CMIP: variants seen among roughly 807,000 people sequenced by gnomAD.
The protein encoded by CMIP is c-Maf inducing protein.
A neutral mutation model predicts 97.3 loss-of-function variants in CMIP; 13 were observed. That is an observed-to-expected ratio of 0.13 (90% CI 0.09 to 0.21). CMIP has a LOEUF of 0.21. Ranked by LOEUF, CMIP falls within the 10% of genes least tolerant of loss-of-function variation. CMIP has a pLI of 1.00. For synonymous variants in CMIP, 538 were observed against 436.3 expected (o/e 1.23, Z -2.91); for missense variants, 847 against 1,024.9 (o/e 0.83, Z 2.37).
At chr16:81,460,285 T>C (rs1172410440) in intron 1 of CMIP, among the ~76,000 whole-genome samples, 1 of 152,152 alleles carries the variant, frequency 6.6e-6, no homozygotes, top group Admixed American at 6.5e-5. Flanking sequence ...GTGAGTGGGC[T>C]ATTTATTCCC....
chr16:81,589,164 T>A (rs1367684714), intron 1 of CMIP, among the ~76,000 whole-genome samples: 3 of 152,146 alleles, frequency 2.0e-5, no homozygotes, highest in Non-Finnish European at 2.9e-5. Flanking sequence ...TGGCGTGATC[T>A]CGGCTCACTG....
intron 2 of CMIP, among the ~76,000 whole-genome samples, chr16:81,608,952 G>GT (rs1241213842): frequency 6.6e-6 from 1 of 152,190 alleles, no homozygotes; most frequent in Non-Finnish European, 1.5e-5. Context: ...ACTGGATTGT[G>GT]TAACAGCATT....
chr16:81,693,356 C>T, intron 12 of CMIP, 83 bp from the exon 13 acceptor site: 1 of 1,554,268 alleles, frequency 6.4e-7, no homozygotes, highest in Non-Finnish European at 8.7e-7. Context: ...CCCGTTCTTC[C>T]TTGACACCAT....
intron 1 of CMIP, among the ~76,000 whole-genome samples, chr16:81,461,159 G>A (rs1459350306): frequency 6.6e-6 from 1 of 152,210 alleles, no homozygotes; most frequent in Non-Finnish European, 1.5e-5. Flanking sequence ...TATGTGGGCA[G>A]TGGATCTGAT....
intron 1 of CMIP, among the ~76,000 whole-genome samples, chr16:81,580,689 G>A (rs923676446): frequency 6.6e-6 from 1 of 151,672 alleles, no homozygotes; most frequent in Non-Finnish European, 1.5e-5. Flanking sequence ...ACCCGTCTTC[G>A]CCTCCCAAAC....
chr16:81,697,294 G>A (rs1466312825), intron 14 of CMIP: 1 of 152,578 alleles, frequency 6.6e-6, no homozygotes, highest in African/African-American at 2.4e-5. Context: ...CAGAGGTTCG[G>A]TGGCGTGCCT....
At chr16:81,612,127 G>C (rs559150199) in intron 2 of CMIP, among the ~76,000 whole-genome samples, 1 of 152,220 alleles carries the variant, frequency 6.6e-6, no homozygotes, top group Non-Finnish European at 1.5e-5. Context: ...TCATGAAAAC[G>C]TCCTGAAGGT....
At chr16:81,545,598 G>T (rs1274367878) in intron 1 of CMIP, among the ~76,000 whole-genome samples, 1 of 152,214 alleles carries the variant, frequency 6.6e-6, no homozygotes, top group Non-Finnish European at 1.5e-5. Context: ...AGGCTGGAGA[G>T]AAGTGACTTG....
At chr16:81,521,427 G>C in intron 1 of CMIP, among the ~76,000 whole-genome samples, 1 of 151,956 alleles carries the variant, frequency 6.6e-6, no homozygotes, top group South Asian at 2.1e-4. Flanking sequence ...GTTCTGCTCT[G>C]TAGAACCACC....
intron 1 of CMIP, among the ~76,000 whole-genome samples, chr16:81,557,661 G>A (rs192018931): frequency 3.3e-5 from 5 of 152,204 alleles, no homozygotes; most frequent in Admixed American, 3.3e-4. Flanking sequence ...TGTGGTCCCC[G>A]CTACTCAGGA....
chr16:81,446,158 A>C (rs1181974422), intron 1 of CMIP, among the ~76,000 whole-genome samples: 1 of 151,728 alleles, frequency 6.6e-6, no homozygotes, highest in Non-Finnish European at 1.5e-5. Context: ...GGGAGGGGGC[A>C]GTGGTCCTGG....
chr16:81,576,720 A>G (rs914091712), intron 1 of CMIP, among the ~76,000 whole-genome samples: 7 of 152,136 alleles, frequency 4.6e-5, no homozygotes, highest in African/African-American at 1.7e-4. Flanking sequence ...AACAGTGCTG[A>G]AGAACACAGG....
At chr16:81,684,725 C>G (rs1379191493) in intron 10 of CMIP, among the ~76,000 whole-genome samples, 1 of 152,226 alleles carries the variant, frequency 6.6e-6, no homozygotes, top group Non-Finnish European at 1.5e-5. Flanking sequence ...GTGCAGGTGC[C>G]TAATGCCTGA....
chr16:81,594,721 C>T (rs1271709103), intron 1 of CMIP, among the ~76,000 whole-genome samples: 1 of 151,650 alleles, frequency 6.6e-6, no homozygotes, highest in East Asian at 1.9e-4. Context: ...TCATGCCATT[C>T]TCCTGCCTCA....
intron 1 of CMIP, among the ~76,000 whole-genome samples, chr16:81,457,321 T>C (rs1906613915): frequency 6.6e-6 from 1 of 151,958 alleles, no homozygotes; most frequent in Non-Finnish European, 1.5e-5. Context: ...TCCCCTCTCT[T>C]GTAAAAGCAA....
At chr16:81,477,679 G>A (rs1217307770) in intron 1 of CMIP, among the ~76,000 whole-genome samples, 2 of 152,202 alleles carry the variant, frequency 1.3e-5, no homozygotes, top group Admixed American at 6.5e-5. Context: ...GTTTTCTCTC[G>A]TATAAAGGAA....
chr16:81,535,500 C>T (rs78375974), intron 1 of CMIP, among the ~76,000 whole-genome samples: 3,453 of 141,622 alleles, frequency 0.024, 60 homozygotes, highest in Middle Eastern at 0.062. Flanking sequence ...AGCTGTTGTA[C>T]GTTCTTTCTC....
At chr16:81,516,118 C>A (rs1391514599) in intron 1 of CMIP, among the ~76,000 whole-genome samples, 1 of 152,146 alleles carries the variant, frequency 6.6e-6, no homozygotes, top group African/African-American at 2.4e-5. Context: ...CTTGTGTACC[C>A]AGTGCCCTGC....
At chr16:81,692,489 A>G (rs1194985283) in intron 11 of CMIP, among the ~76,000 whole-genome samples, 1 of 152,174 alleles carries the variant, frequency 6.6e-6, no homozygotes, top group Non-Finnish European at 1.5e-5. Flanking sequence ...CTCTTTCAAG[A>G]GGTTGGAAGG....
Sources: gnomAD v4.1 joint callset for allele counts (sites outside exome capture counted in the v4.1 genomes callset) on GRCh38, gnomAD v4.1.1 for gene constraint, MANE v1.5 for transcripts, NCBI Gene and HGNC (gene_info 2026-07-23, HGNC 2026-07-21) for gene names.